Variants in NEDD8 observed in about 807,000 individuals in gnomAD.
The protein encoded by NEDD8 is ubiquitin-like protein NEDD8.
Under a neutral mutation model 13.8 loss-of-function variants are expected in NEDD8, and 1 was observed. The ratio of observed to expected loss-of-function variants is 0.07; its 90% confidence interval spans 0.03 to 0.34. NEDD8 has a LOEUF of 0.34. NEDD8 is among the 10% of genes least tolerant of loss of function. The pLI is 0.99. For missense variants in NEDD8, 10 were observed against 95.2 expected (o/e 0.10, Z 3.73); for synonymous variants, 31 against 33.2 (o/e 0.93, Z 0.23).
At chr14:24,227,006 TAAG>T (rs1240450781) in intron 1 of NEDD8, 1 of 152,128 alleles carries the variant, frequency 6.6e-6, no homozygotes, top group African/African-American at 2.4e-5. Flanking sequence ...TATTCAGTAA[TAAG>T]AAGGAATAAA....
At chr14:24,229,973 G>A (rs530573710) in intron 1 of NEDD8, among the ~76,000 whole-genome samples, 5 of 152,076 alleles carry the variant, frequency 3.3e-5, no homozygotes, top group Non-Finnish European at 5.9e-5. Context: ...AGGAAGCTGA[G>A]GCAGGAGAAT....
chr14:24,219,239 A>C (rs1056356300), intron 1 of NEDD8, among the ~76,000 whole-genome samples: 39 of 151,794 alleles, frequency 2.6e-4, no homozygotes, highest in Non-Finnish European at 4.9e-4. Context: ...AGGCGGGAGG[A>C]TCACTTGAGC....
intron 1 of NEDD8, chr14:24,231,806 G>A (rs28673535): frequency 0.016 from 2,657 of 167,968 alleles, 72 homozygotes; most frequent in African/African-American, 0.057. Flanking sequence ...CCCTTGGGAG[G>A]CCCCGATTTT....
At chr14:24,222,717 T>C (rs2039826762) in intron 1 of NEDD8, among the ~76,000 whole-genome samples, 2 of 152,158 alleles carry the variant, frequency 1.3e-5, no homozygotes, top group South Asian at 4.1e-4. Context: ...TATTCACATG[T>C]AATCAATATA....
At chr14:24,223,352 T>C (rs535523627) in intron 1 of NEDD8, among the ~76,000 whole-genome samples, 9 of 152,004 alleles carry the variant, frequency 5.9e-5, no homozygotes, top group South Asian at 2.1e-4. Context: ...AGTGGGCTGA[T>C]TGTGCCACTG....
intron 1 of NEDD8, among the ~76,000 whole-genome samples, chr14:24,224,137 G>A (rs2039853078): frequency 1.3e-5 from 2 of 152,156 alleles, no homozygotes; most frequent in East Asian, 3.9e-4. Context: ...CACTGTGTTA[G>A]CCAGGATGGT....
At position 24,223,879 on chromosome 14, in the gene NEDD8, C is replaced by T. The variant is rs1017820560; in HGVS notation, c.19-5448G>A. 5.3e-5 allele frequency among the ~76,000 whole-genome samples: 8 copies of T among 151,842 alleles called. 1 individual carries two copies. Among genetic ancestry groups the T allele is most frequent in the South Asian group, 4.2e-4 (2 of 4,796 alleles). ...CCTCCCAAGTAGCTGGGGTTACAGC[C>T]GCGTGTCACTACGCCTGGCTAATTT... On this transcript the variant is annotated intron_variant, in intron 1 of 3. Transcript: ENST00000250495.
chr14:24,230,918 T>TA, intron 1 of NEDD8, among the ~76,000 whole-genome samples: 1 of 151,704 alleles, frequency 6.6e-6, no homozygotes, highest in East Asian at 1.9e-4. Context: ...GGGCCCGGCC[T>TA]TTTTTTTCAG....
rs186251336 is a variant in NEDD8, at chr14:24,222,819, T to A, written c.19-4388A>T. ...CATGTAGAGATGGGGCTGGGTGCGG[T>A]GGCTCACACCTGTAATCCTAGCACT... On this transcript the variant is annotated intron_variant, in intron 1 of 3. Coordinates refer to ENST00000250495, the MANE Select transcript of NEDD8 (RefSeq NM_006156.3). 7.9e-5 allele frequency among the ~76,000 whole-genome samples: 12 copies of A among 152,232 alleles called. No individual in the cohort carries two copies. In the East Asian group the frequency reaches 2.3e-3, roughly 29 times the overall value.
intron 1 of NEDD8, among the ~76,000 whole-genome samples, chr14:24,226,322 T>C (rs1167657411): frequency 6.6e-6 from 1 of 151,106 alleles, no homozygotes; most frequent in Admixed American, 6.6e-5. Flanking sequence ...CAAAACCCTG[T>C]CTCTACCAAA....
intron 1 of NEDD8, among the ~76,000 whole-genome samples, chr14:24,230,608 CTCTCTT>C (rs1161127726): frequency 2.0e-5 from 3 of 148,724 alleles, no homozygotes; most frequent in Admixed American, 1.3e-4. Context: ...TTCTCCCCCT[CTCTCTT>C]TCTTTTTTTT....
intron 1 of NEDD8, among the ~76,000 whole-genome samples, chr14:24,231,191 T>C (rs1034983377): frequency 2.0e-5 from 3 of 152,188 alleles, no homozygotes; most frequent in Admixed American, 2.0e-4. Flanking sequence ...GCGCCCAGCC[T>C]ATTTTCTCTT....
At chr14:24,225,744 T>A (rs1594490301) in intron 1 of NEDD8, among the ~76,000 whole-genome samples, 2 of 152,248 alleles carry the variant, frequency 1.3e-5, no homozygotes, top group East Asian at 3.9e-4. Context: ...TAAACAAGTA[T>A]AAGATGAACC....
intron 1 of NEDD8, among the ~76,000 whole-genome samples, chr14:24,230,856 G>A (rs1286026007): frequency 5.3e-5 from 8 of 152,070 alleles, no homozygotes; most frequent in African/African-American, 1.9e-4. Flanking sequence ...CACCTTAGGT[G>A]ATCCACCCAC....
chr14:24,225,777 G>A (rs992210599), intron 1 of NEDD8, among the ~76,000 whole-genome samples: 8 of 152,160 alleles, frequency 5.3e-5, no homozygotes, highest in East Asian at 1.9e-4. Context: ...GGTGGCTCAC[G>A]CCTGTAATCC....
chr14:24,217,004 C>G lies in NEDD8; in HGVS notation c.*123G>C. ...ATCCTGGGATCCTCACAGTCTCCCA[C>G]CAGTAGACATACATTACTGGGCATC... On this transcript the variant is annotated 3_prime_UTR_variant, in exon 4 of 4. Transcript: ENST00000250495. 1 of 770,948 alleles carries G rather than the reference C, an allele frequency of 1.3e-6. No homozygotes were observed. Among genetic ancestry groups the G allele is most frequent in the Non-Finnish European group, 2.1e-6 (1 of 473,274 alleles). 47.8% of individuals were successfully genotyped at this position (770,948 alleles called of 1,614,324 possible). A position where few individuals can be genotyped will look rare whatever the true frequency, so the allele number is the denominator to read the frequency against.
In NEDD8 at chr14:24,216,999, TC is replaced by T; in HGVS notation, c.*127del. On this transcript the variant is annotated 3_prime_UTR_variant, in exon 4 of 4. Coordinates refer to ENST00000250495, the MANE Select transcript of NEDD8 (RefSeq NM_006156.3). ...ACTGAATCCTGGGATCCTCACAGTC[TC>T]CCACCAGTAGACATACATTACTGGG... 1 of 743,006 alleles carries T rather than the reference TC, an allele frequency of 1.3e-6. No individual in the cohort carries two copies. The highest frequency in any genetic ancestry group is 1.9e-5 in the South Asian group (1 of 53,284). The allele number at this position is 743,006 out of a possible 1,614,324, so 46.0% of individuals were successfully genotyped here.
intron 1 of NEDD8, among the ~76,000 whole-genome samples, chr14:24,225,268 A>G (rs2039874172): frequency 6.6e-6 from 1 of 152,142 alleles, no homozygotes; most frequent in African/African-American, 2.4e-5. Context: ...AATGGGAAAA[A>G]GGAGAATCTA....
intron 1 of NEDD8, among the ~76,000 whole-genome samples, chr14:24,221,287 CTT>C (rs35302229): frequency 1.6e-4 from 22 of 140,240 alleles, no homozygotes; most frequent in African/African-American, 2.6e-4. Flanking sequence ...ATTTCACTTT[CTT>C]TTTTTTTTTT....
Sources: gnomAD v4.1 joint callset for allele counts (sites outside exome capture counted in the v4.1 genomes callset) on GRCh38, gnomAD v4.1.1 for gene constraint, MANE v1.5 for transcripts, NCBI Gene and HGNC (gene_info 2026-07-23, HGNC 2026-07-21) for gene names.